Variants in WDPCP observed in about 807,000 individuals in gnomAD.
WDPCP encodes WD repeat containing planar cell polarity effector.
WDPCP carries 71 observed loss-of-function variants against 93.1 expected under a neutral mutation model. That is an observed-to-expected ratio of 0.76 (90% CI 0.63 to 0.93). WDPCP has a LOEUF of 0.93. Among genes scored for constraint, WDPCP ranks in the 40% least tolerant of loss-of-function variants. WDPCP has a pLI of 0.00. For missense variants in WDPCP, 844 were observed against 887.4 expected, an observed-to-expected ratio of 0.95 and a Z score of 0.62; for synonymous variants, 315 against 315.0, an observed-to-expected ratio of 1.00 and a Z score of 0.00.
At chr2:63,243,881 A>G (rs577847298) in intron 14 of WDPCP, among the ~76,000 whole-genome samples, 93 of 152,286 alleles carry the variant, frequency 6.1e-4, no homozygotes, top group African/African-American at 2.2e-3. Flanking sequence ...ATAAACATCT[A>G]CAGAATGCTC....
chr2:63,829,257 A>G (rs1321452439), upstream of WDPCP, among the ~76,000 whole-genome samples: 1 of 152,100 alleles, frequency 6.6e-6, no homozygotes, highest in East Asian at 1.9e-4. Context: ...ATGCAACCTG[A>G]TATTTCTTTT....
At chr2:63,439,966 A>AT in intron 6 of WDPCP, 95 bp from the exon 7 acceptor site, 1 of 875,690 alleles carries the variant, frequency 1.1e-6, no homozygotes, top group Admixed American at 1.9e-5. Flanking sequence ...TTATACAGAT[A>AT]TTTTACACAT....
chr2:63,231,248 C>G (rs183755664), intron 14 of WDPCP, among the ~76,000 whole-genome samples: 6 of 152,160 alleles, frequency 3.9e-5, no homozygotes, highest in Non-Finnish European at 7.4e-5. Context: ...ACACTGGAGG[C>G]ATTCCCTTTG....
chr2:63,339,710 C>A (rs188126895), intron 12 of WDPCP, among the ~76,000 whole-genome samples: 1 of 152,184 alleles, frequency 6.6e-6, no homozygotes, highest in Admixed American at 6.5e-5. Flanking sequence ...TTGCTCTCAC[C>A]AGGAGTTTCC....
chr2:63,307,736 A>G (rs565363575), intron 13 of WDPCP, among the ~76,000 whole-genome samples: 1 of 152,362 alleles, frequency 6.6e-6, no homozygotes, highest in African/African-American at 2.4e-5. Context: ...AAGATGGATT[A>G]ACCATTTAAA....
chr2:63,829,404 C>T (rs962996210), upstream of WDPCP, among the ~76,000 whole-genome samples: 9 of 152,012 alleles, frequency 5.9e-5, no homozygotes, highest in African/African-American at 9.7e-5. Context: ...TAAAATAATA[C>T]GCACGCACTG....
At chr2:63,335,029 A>G (rs1201373516) in intron 12 of WDPCP, among the ~76,000 whole-genome samples, 1 of 152,184 alleles carries the variant, frequency 6.6e-6, no homozygotes, top group Non-Finnish European at 1.5e-5. Context: ...AGACAAATGC[A>G]TATCTGATTG....
chr2:63,486,930 T>G (rs1234121834), intron 3 of WDPCP, among the ~76,000 whole-genome samples: 1 of 151,980 alleles, frequency 6.6e-6, no homozygotes, highest in Non-Finnish European at 1.5e-5. Flanking sequence ...GTCAGCCTAT[T>G]AACCACTAAG....
intron 2 of WDPCP, among the ~76,000 whole-genome samples, chr2:63,764,017 G>A (rs1216268894): frequency 6.6e-6 from 1 of 152,120 alleles, no homozygotes; most frequent in Admixed American, 6.6e-5. Flanking sequence ...CTTGTTCCCT[G>A]ATAGTTATTG....
chr2:63,733,183 ATTTTTTTTTTT>A (rs70965141), intron 2 of WDPCP, among the ~76,000 whole-genome samples: 7 of 94,934 alleles, frequency 7.4e-5, no homozygotes, highest in African/African-American at 2.2e-4. Context: ...CAAATAAATG[ATTTTTTTTTTT>A]TTTTTTTTTT....
At chr2:63,618,688 A>ATTT (rs112387422) in intron 3 of WDPCP, among the ~76,000 whole-genome samples, 5 of 135,580 alleles carry the variant, frequency 3.7e-5, no homozygotes, top group African/African-American at 8.2e-5. Context: ...TGGGATAGTA[A>ATTT]TTTTTTTTTT....
At chr2:63,142,863 TAC>T (rs1671189670) in intron 17 of WDPCP, among the ~76,000 whole-genome samples, 2 of 149,880 alleles carry the variant, frequency 1.3e-5, no homozygotes, top group Admixed American at 1.3e-4. Flanking sequence ...CACATATATA[TAC>T]ACACATACAT....
At chr2:63,588,506 C>T, upstream of WDPCP, 1 of 617,246 alleles carries the variant, frequency 1.6e-6, no homozygotes, top group Non-Finnish European at 2.9e-6. Flanking sequence ...GAGTGTCAAT[C>T]GTTTTTTAAA....
At chr2:63,438,009 C>T (rs936572212) in intron 7 of WDPCP, 1 of 1,293,144 alleles carries the variant, frequency 7.7e-7, no homozygotes, top group Non-Finnish European at 9.9e-7. Context: ...AAAAAATTTT[C>T]ATCAGTGAAT....
intron 3 of WDPCP, among the ~76,000 whole-genome samples, chr2:63,604,116 T>C (rs565164230): frequency 6.6e-6 from 1 of 152,374 alleles, no homozygotes; most frequent in South Asian, 2.1e-4. Flanking sequence ...CACATACACA[T>C]ATATAAAACC....
intron 17 of WDPCP, among the ~76,000 whole-genome samples, chr2:63,138,544 C>T (rs922573316): frequency 4.0e-5 from 6 of 151,650 alleles, no homozygotes; most frequent in African/African-American, 1.2e-4. Flanking sequence ...CTCCGCTCCC[C>T]GGGGTTCATG....
chr2:63,602,464 A>G (rs545489435), intron 3 of WDPCP, among the ~76,000 whole-genome samples: 1 of 151,738 alleles, frequency 6.6e-6, no homozygotes, highest in Non-Finnish European at 1.5e-5. Flanking sequence ...TACCTTACAT[A>G]ACTACAGAGT....
At chr2:63,655,596 T>G (rs2106634805) in intron 2 of WDPCP, among the ~76,000 whole-genome samples, 1 of 152,320 alleles carries the variant, frequency 6.6e-6, no homozygotes, top group East Asian at 1.9e-4. Flanking sequence ...AAAGAGAAAC[T>G]ACTTCTGTCC....
chr2:63,414,375 T>A (rs1043716188), intron 9 of WDPCP, among the ~76,000 whole-genome samples: 1 of 151,954 alleles, frequency 6.6e-6, no homozygotes, highest in African/African-American at 2.4e-5. Flanking sequence ...GATACTTGCA[T>A]AGCACAATTC....
Sources: allele counts gnomAD v4.1 joint callset (sites outside exome capture counted in the v4.1 genomes callset), GRCh38; gene constraint gnomAD v4.1.1; transcripts MANE v1.5; gene names NCBI Gene and HGNC (gene_info 2026-07-23, HGNC 2026-07-21).